Variants in ATAD2B observed in about 807,000 individuals in gnomAD.
ATAD2B encodes ATPase family AAA domain containing 2B.
A neutral mutation model predicts 167.6 loss-of-function variants in ATAD2B; 40 were observed. The ratio of observed to expected loss-of-function variants is 0.24; its 90% CI spans 0.19 to 0.31. The LOEUF (loss-of-function observed/expected upper bound fraction) is 0.31. ATAD2B is among the 10% of genes least tolerant of loss of function. ATAD2B has a pLI of 1.00. For missense variants in ATAD2B, 1,242 were observed against 1,757.2 expected (o/e 0.71, Z 5.24); for synonymous variants, 579 against 596.5 (o/e 0.97, Z 0.43).
intron 23 of ATAD2B, among the ~76,000 whole-genome samples, chr2:23,762,760 T>C (rs1676908065): frequency 6.6e-6 from 1 of 152,226 alleles, no homozygotes; most frequent in South Asian, 2.1e-4. Context: ...ATTTGCTTCC[T>C]GTCGCACCAC....
intron 22 of ATAD2B, among the ~76,000 whole-genome samples, chr2:23,772,826 C>A (rs2149352771): frequency 6.6e-6 from 1 of 152,246 alleles, no homozygotes; most frequent in East Asian, 1.9e-4. Flanking sequence ...AACCTCCTGG[C>A]CTCAAACAGT....
intron 22 of ATAD2B, among the ~76,000 whole-genome samples, chr2:23,769,200 G>A (rs903705545): frequency 1.3e-5 from 2 of 152,092 alleles, no homozygotes; most frequent in Non-Finnish European, 2.9e-5. Context: ...CAGCACTTTG[G>A]GAGGCCAAGG....
chr2:23,693,924 AG>A, the ATAD2B span, among the ~76,000 whole-genome samples: 1 of 152,182 alleles, frequency 6.6e-6, no homozygotes, highest in South Asian at 2.1e-4. Context: ...TGAGGTCCTG[AG>A]GGGACTGTGT....
At chr2:23,892,519 T>TCTC (rs1699680537) in intron 2 of ATAD2B, among the ~76,000 whole-genome samples, 1 of 151,002 alleles carries the variant, frequency 6.6e-6, no homozygotes, top group South Asian at 2.1e-4. Flanking sequence ...TCATCCAGGC[T>TCTC]AGAGTGCAGT....
chr2:23,705,971 G>A, the ATAD2B span, among the ~76,000 whole-genome samples: 18 of 152,220 alleles, frequency 1.2e-4, no homozygotes, highest in African/African-American at 3.9e-4. Context: ...AGCATGCCCG[G>A]CCCTTGCAAT....
At chr2:23,789,603 G>A (rs1341126722) in intron 19 of ATAD2B, among the ~76,000 whole-genome samples, 1 of 152,130 alleles carries the variant, frequency 6.6e-6, no homozygotes, top group African/African-American at 2.4e-5. Context: ...GACCAACCAT[G>A]ACACTGTGAA....
chr2:23,749,856 G>GC lies in ATAD2B; in HGVS notation c.*2189dup, dbSNP rs1431003763. The GC allele has an allele frequency of 4.6e-5, 7 of 151,856 alleles. No homozygotes were observed. Among genetic ancestry groups the GC allele is most frequent in the African/African-American group, 9.7e-5 (4 of 41,440 alleles). 9.4% of individuals were successfully genotyped at this position (151,856 alleles called of 1,614,324 possible). On this transcript the variant is annotated 3_prime_UTR_variant, in exon 28 of 28. Transcript: ENST00000238789. ...TTTAGTAACCTACTAAGAAACATGT[G>GC]CATTTTTTTTTCCTTTCACAAGTGC...
At chr2:23,712,882 C>G in the ATAD2B span, among the ~76,000 whole-genome samples, 1 of 152,182 alleles carries the variant, frequency 6.6e-6, no homozygotes, top group Non-Finnish European at 1.5e-5. Flanking sequence ...TGTGTTTCCT[C>G]CTAGAAAATG....
chr2:23,886,783 T>C (rs1388165347), intron 4 of ATAD2B, among the ~76,000 whole-genome samples: 1 of 151,486 alleles, frequency 6.6e-6, no homozygotes, highest in African/African-American at 2.4e-5. Context: ...TACAAAAAAT[T>C]AGCCAGGCAT....
intron 15 of ATAD2B, among the ~76,000 whole-genome samples, chr2:23,825,686 C>T (rs932091008): frequency 6.6e-6 from 1 of 152,074 alleles, no homozygotes; most frequent in Admixed American, 6.5e-5. Context: ...TAAACAATCA[C>T]GTTTCTATTT....
chr2:23,872,876 C>A, intron 8 of ATAD2B: 1 of 826,602 alleles, frequency 1.2e-6, no homozygotes. Flanking sequence ...AGCCATCTCA[C>A]AGTGCCTGCC....
intron 1 of ATAD2B, among the ~76,000 whole-genome samples, chr2:23,900,354 A>C (rs1327928261): frequency 6.6e-6 from 1 of 152,206 alleles, no homozygotes; most frequent in African/African-American, 2.4e-5. Flanking sequence ...AGCATGAGCC[A>C]CCACGCCCAG....
intron 1 of ATAD2B, among the ~76,000 whole-genome samples, chr2:23,914,636 G>A (rs907754720): frequency 2.0e-5 from 3 of 151,950 alleles, no homozygotes; most frequent in African/African-American, 4.8e-5. Flanking sequence ...TCAGGAGATC[G>A]AGACCATCCT....
chr2:23,771,305 C>T (rs977078708), intron 22 of ATAD2B, among the ~76,000 whole-genome samples: 3 of 152,154 alleles, frequency 2.0e-5, no homozygotes, highest in African/African-American at 7.2e-5. Context: ...TCTTACCTTA[C>T]TGCATTGGCT....
At chr2:23,861,478 TAA>T (rs201161040) in intron 12 of ATAD2B, among the ~76,000 whole-genome samples, 108 of 131,466 alleles carry the variant, frequency 8.2e-4, no homozygotes, top group Middle Eastern at 3.7e-3. Context: ...AATCTTTCAT[TAA>T]AAAAAAAAAA....
chr2:23,798,745 T>C (rs574627354), intron 18 of ATAD2B, among the ~76,000 whole-genome samples: 34 of 152,266 alleles, frequency 2.2e-4, no homozygotes, highest in African/African-American at 8.2e-4. Context: ...TAGTTTACAT[T>C]TTTGAGCACC....
the ATAD2B span, among the ~76,000 whole-genome samples, chr2:23,681,338 A>C: frequency 6.6e-6 from 1 of 152,216 alleles, no homozygotes; most frequent in African/African-American, 2.4e-5. This position sits in a 1 kb window ranked among gnomAD's most constrained non-coding sequence, Gnocchi z 4.2. Flanking sequence ...GAAAGCACCT[A>C]CATTAGGATG....
chr2:23,704,691 C>T, the ATAD2B span, among the ~76,000 whole-genome samples: 13 of 152,140 alleles, frequency 8.5e-5, no homozygotes, highest in African/African-American at 2.7e-4. Context: ...CGCTTGAACC[C>T]GGGAGGCGGA....
chr2:23,738,561 GA>G, the ATAD2B span, among the ~76,000 whole-genome samples: 2 of 152,168 alleles, frequency 1.3e-5, no homozygotes, highest in Non-Finnish European at 2.9e-5. Context: ...ACTAAACATG[GA>G]AAGGAACAAC....
Sources: allele counts gnomAD v4.1 joint callset (sites outside exome capture counted in the v4.1 genomes callset), GRCh38; gene constraint gnomAD v4.1.1; non-coding constraint Gnocchi (gnomAD v3.1); transcripts MANE v1.5; gene names NCBI Gene and HGNC (gene_info 2026-07-23, HGNC 2026-07-21).